HDAC11: variants seen among roughly 807,000 people sequenced by gnomAD.
HDAC11 encodes histone deacetylase 11.
In HDAC11, 23 loss-of-function variants were observed where a neutral mutation model predicts 41.1. That is an observed-to-expected ratio of 0.56 (90% CI 0.40 to 0.79). The LOEUF (loss-of-function observed/expected upper bound fraction) is 0.79. Among genes scored for constraint, HDAC11 ranks in the 30% least tolerant of loss-of-function variants. The pLI, the probability that HDAC11 is intolerant of heterozygous loss-of-function variation, is 0.00. For missense variants in HDAC11, 402 were observed against 477.3 expected (o/e 0.84, Z 1.47); for synonymous variants, 187 against 186.6 (o/e 1.00, Z -0.02).
Position 13,481,229 on chromosome 3 carries a change from CTT to C in HDAC11, c.3-13_3-12del. Reference sequence around the variant, plus strand: ...GAGGCTGCCCCAGCTGTGCGTCTGTCTTTTTCCACACGGTAGGCTACACACAA... The same window carrying C: ...GAGGCTGCCCCAGCTGTGCGTCTGTCTTTCCACACGGTAGGCTACACACAA... On this transcript the variant is annotated splice_polypyrimidine_tract_variant and intron_variant, in intron 1 of 9. Transcript: ENST00000295757. 1 of 1,610,040 alleles carries C rather than the reference CTT, an allele frequency of 6.2e-7. No homozygotes were observed. Among genetic ancestry groups the C allele is most frequent in the South Asian group, 1.1e-5 (1 of 90,808 alleles).
chr3:13,497,314 G>A (rs1269794432), intron 4 of HDAC11, among the ~76,000 whole-genome samples: 1 of 152,032 alleles, frequency 6.6e-6, no homozygotes, highest in East Asian at 1.9e-4. Flanking sequence ...GAGTAGCTGG[G>A]ACTACAGGTG....
intron 6 of HDAC11, chr3:13,501,647 C>T: frequency 2.8e-6 from 2 of 708,538 alleles, no homozygotes; most frequent in Non-Finnish European, 5.3e-6. Context: ...GACATGCCCC[C>T]TCCTCCAGGG....
In HDAC11 at chr3:13,489,619, T is replaced by C. The variant is rs113607453; in HGVS notation, c.252+6055T>C. ...ATTCTTTCGACAGCCCAGGCTGGAG[T>C]ACGGTGGCTCCATCTTGGCTCACTG... is the stretch of plus-strand genomic sequence containing the variant. On this transcript the variant is annotated intron_variant, in intron 3 of 9. Coordinates refer to ENST00000295757, the MANE Select transcript of HDAC11 (RefSeq NM_024827.4). Among the ~76,000 whole-genome samples, 40 of 152,344 alleles carry C rather than the reference T, an allele frequency of 2.6e-4. 1 individual carries two copies. The highest frequency in any genetic ancestry group is 9.4e-4 in the African/African-American group (39 of 41,582).
chr3:13,481,175 G>A, intron 1 of HDAC11, 71 bp from the exon 2 acceptor site: 1 of 1,517,652 alleles, frequency 6.6e-7, no homozygotes, highest in South Asian at 1.3e-5. Flanking sequence ...GTCAGTCCAG[G>A]CGGGCTCGGG....
chr3:13,490,819 C>T (rs1160726674), intron 3 of HDAC11, among the ~76,000 whole-genome samples: 2 of 130,512 alleles, frequency 1.5e-5, no homozygotes, highest in Non-Finnish European at 3.1e-5. Context: ...GGCATGATCT[C>T]GGCTCACTGC....
At chr3:13,482,693 A>G (rs1559369150) in intron 2 of HDAC11, among the ~76,000 whole-genome samples, 1 of 152,252 alleles carries the variant, frequency 6.6e-6, no homozygotes, top group Non-Finnish European at 1.5e-5. Flanking sequence ...ATGCTGAGGC[A>G]GGAGGATCAC....
At chr3:13,484,755 A>G (rs865832724) in intron 3 of HDAC11, among the ~76,000 whole-genome samples, 76 of 152,364 alleles carry the variant, frequency 5.0e-4, no homozygotes, top group African/African-American at 1.7e-3. Context: ...CAAACTGGGC[A>G]CACTGGCTGC....
Position 13,497,854 on chromosome 3 carries a change from C to CTTTTTTTTTTT in HDAC11, c.370-650_370-640dup, listed in dbSNP as rs10667297. 1.4e-4 allele frequency among the ~76,000 whole-genome samples: 15 copies of CTTTTTTTTTTT among 106,076 alleles called. 1 individual carries two copies. Among genetic ancestry groups the CTTTTTTTTTTT allele is most frequent in the Non-Finnish European group, 2.1e-4 (12 of 56,396 alleles). The allele number at this position is 106,076 out of a possible 152,430, so 69.6% of individuals were successfully genotyped here. On this transcript the variant is annotated intron_variant, in intron 4 of 9. Transcript: ENST00000295757. Reference sequence around the variant, plus strand: ...TTAGTCTACTATATTTCTTTTTTTGCTTTTTTTTTTTTTTTTTTTGAGACA... The same window carrying CTTTTTTTTTTT: ...TTAGTCTACTATATTTCTTTTTTTGCTTTTTTTTTTTTTTTTTTTTTTTTTTTTTTGAGACA...
intron 3 of HDAC11, among the ~76,000 whole-genome samples, chr3:13,484,253 C>T (rs929226656): frequency 3.3e-5 from 5 of 152,162 alleles, no homozygotes; most frequent in Admixed American, 6.5e-5. Context: ...CGTGAGCCAC[C>T]GCACCCACCC....
At chr3:13,493,839 C>T (rs1251059342) in intron 3 of HDAC11, among the ~76,000 whole-genome samples, 1 of 152,248 alleles carries the variant, frequency 6.6e-6, no homozygotes. Flanking sequence ...CTGGCCCCTG[C>T]ACCAGGTCAG....
chr3:13,500,822 A>G (rs1702328808), intron 6 of HDAC11, 33 bp downstream of exon 6: 2 of 1,445,110 alleles, frequency 1.4e-6, no homozygotes, highest in South Asian at 2.7e-5. Flanking sequence ...TCTCGCCTCC[A>G]AGAGCCCTCC....
At chr3:13,490,450 A>G (rs1050736294) in intron 3 of HDAC11, among the ~76,000 whole-genome samples, 1 of 152,138 alleles carries the variant, frequency 6.6e-6, no homozygotes, top group Non-Finnish European at 1.5e-5. Context: ...CATCTTAACA[A>G]TATTCGGTCT....
Position 13,480,750 on chromosome 3 carries a change from TC to T in HDAC11, c.2+405del. 2 of 474,710 alleles carry T rather than the reference TC, an allele frequency of 4.2e-6. No homozygotes were observed. The highest frequency in any genetic ancestry group is 2.0e-5 in the African/African-American group (1 of 50,366). 29.4% of individuals were successfully genotyped at this position (474,710 alleles called of 1,614,324 possible). A position where few individuals can be genotyped will look rare whatever the true frequency, so the allele number is the denominator to read the frequency against. On this transcript the variant is annotated intron_variant, in intron 1 of 9. Transcript: ENST00000295757. This position sits in a 1 kb window ranked among gnomAD's most constrained non-coding sequence, Gnocchi z 4.6. ...TTAGCAGCGCAGCGGGGTCAGGGGATCCCCGCCCCCCGCCCTGGCTCAGGTT... is the reference window on the plus strand; with the variant it reads ...TTAGCAGCGCAGCGGGGTCAGGGGATCCCGCCCCCCGCCCTGGCTCAGGTT...
intron 3 of HDAC11, among the ~76,000 whole-genome samples, chr3:13,485,494 C>T (rs1447671902): frequency 1.3e-5 from 2 of 152,210 alleles, no homozygotes; most frequent in Non-Finnish European, 2.9e-5. Context: ...TGTGATTGAA[C>T]CAGGCTGGGG....
intron 3 of HDAC11, among the ~76,000 whole-genome samples, chr3:13,495,808 A>G (rs1702071431): frequency 6.6e-6 from 1 of 152,004 alleles, no homozygotes; most frequent in Non-Finnish European, 1.5e-5. Flanking sequence ...GATAACTCCT[A>G]TTCACTCTTC....
chr3:13,482,572 C>T (rs567793014), intron 2 of HDAC11, among the ~76,000 whole-genome samples: 12 of 152,126 alleles, frequency 7.9e-5, no homozygotes, highest in Non-Finnish European at 1.0e-4. Context: ...CACTTGAGGC[C>T]GGGAGTTTGA....
intron 3 of HDAC11, among the ~76,000 whole-genome samples, chr3:13,491,730 G>A (rs1255070343): frequency 2.0e-5 from 3 of 152,262 alleles, no homozygotes; most frequent in Admixed American, 6.5e-5. Context: ...AGAGGCTGAC[G>A]AGGTATGGGG....
chr3:13,500,772 A>C lies in HDAC11; in HGVS notation c.472A>C (p.Ile158Leu), dbSNP rs1484874311. The change falls in exon 6 of 10, where the codon ATC becomes CTC. Residue 158 changes from isoleucine to leucine, a missense_variant. Ile to Leu is a conservative substitution (Grantham distance 5, BLOSUM62 2). Coordinates refer to ENST00000295757, the MANE Select transcript of HDAC11 (RefSeq NM_024827.4). ...RGGGFCAYADITLAIKFLFER... is the reference protein window; with the variant it reads ...RGGGFCAYADLTLAIKFLFER... ...CGGGGGCTTCTGTGCCTATGCGGAC[A>C]TCACGCTCGCCATCAAGGTGTGTCT... is the stretch of plus-strand genomic sequence containing the variant. 3.8e-6 allele frequency: 6 copies of C among 1,578,032 alleles called. No individual in the cohort carries two copies. Among genetic ancestry groups the C allele is most frequent in the Non-Finnish European group, 5.2e-6 (6 of 1,160,436 alleles).
At chr3:13,490,353 T>A (rs1701793536) in intron 3 of HDAC11, among the ~76,000 whole-genome samples, 1 of 152,180 alleles carries the variant, frequency 6.6e-6, no homozygotes, top group Admixed American at 6.5e-5. Flanking sequence ...CCATGTGAAT[T>A]ATAGCATCAA....
Sources: gnomAD v4.1 joint callset for allele counts (sites outside exome capture counted in the v4.1 genomes callset) on GRCh38, gnomAD v4.1.1 for gene constraint, Gnocchi (gnomAD v3.1) non-coding constraint, MANE v1.5 for transcripts, NCBI Gene and HGNC (gene_info 2026-07-23, HGNC 2026-07-21) for gene names.